The following RBM19 variants were observed in gnomAD, a reference collection of about 807,000 sequenced individuals.
The protein encoded by RBM19 is RNA binding motif protein 19.
RBM19 carries 94 observed loss-of-function variants against 116.8 expected under a neutral mutation model. The observed-to-expected ratio is 0.80, with a 90% CI of 0.68 to 0.95. The LOEUF (loss-of-function observed/expected upper bound fraction) is 0.95. RBM19 is among the 40% of genes least tolerant of loss of function. The pLI is 0.00. For missense variants in RBM19, 1,161 were observed against 1,220.7 expected, an observed-to-expected ratio of 0.95 and a Z score of 0.73; for synonymous variants, 475 against 494.1, an observed-to-expected ratio of 0.96 and a Z score of 0.51.
intron 21 of RBM19, among the ~76,000 whole-genome samples, chr12:113,914,747 G>C (rs1470949229): frequency 6.6e-6 from 1 of 152,268 alleles, no homozygotes; most frequent in Admixed American, 6.5e-5. Flanking sequence ...GCCTCGGAGA[G>C]GGGGAAGCCT....
At position 113,931,365 on chromosome 12, in the gene RBM19, A is replaced by G. The variant is rs1281824472; in HGVS notation, c.2069-4136T>C. ...CCTGGAGGGCCCAGCAGCCCTCAGC[A>G]TGGCCTCCCAGGTCCATGAGCTGTG... is the stretch of plus-strand genomic sequence containing the variant. On this transcript the variant is annotated intron_variant, in intron 16 of 23. Coordinates refer to ENST00000261741, the MANE Select transcript of RBM19 (RefSeq NM_016196.4). Among the ~76,000 whole-genome samples the G allele has an allele frequency of 2.0e-5, 3 of 152,156 alleles. No individual in the cohort carries two copies. In the South Asian group the frequency reaches 6.2e-4, roughly 32 times the overall value.
rs142556388 is a variant in RBM19 at position 113,920,648 on chromosome 12, T to G, written c.2348A>C (p.Lys783Thr). ...SMGFGFVEYR[K>T]PEQAQKALKQ... ...GAGAGCTTTCTGGGCTTGCTCCGGC[T>G]TCCTGTATTCCACAAATCCAAACCC... The change falls in exon 19 of 24, where the codon AAG (lysine) becomes ACG (threonine). Residue 783 changes from lysine (K) to threonine (T), a missense_variant. Lys to Thr is a moderately conservative substitution (Grantham distance 78, BLOSUM62 -1). Transcript: ENST00000261741. 46 of 1,614,170 alleles carry G rather than the reference T, an allele frequency of 2.8e-5. No homozygotes were observed. In the African/African-American group the frequency reaches 4.7e-4, roughly 16 times the overall value.
At chr12:113,913,259 G>A (rs1882561781) in intron 21 of RBM19, among the ~76,000 whole-genome samples, 1 of 152,250 alleles carries the variant, frequency 6.6e-6, no homozygotes, top group African/African-American at 2.4e-5. Flanking sequence ...CAGTTCTTAA[G>A]TTGGACTCCT....
Position 113,825,137 on chromosome 12 carries a change from T to C in RBM19, c.2786-1816A>G, listed in dbSNP as rs113056606. Among the ~76,000 whole-genome samples, 1,236 of 152,320 alleles carry C rather than the reference T, an allele frequency of 8.1e-3. 22 individuals are homozygous for C. The highest frequency in any genetic ancestry group is 0.027 in the African/African-American group (1,136 of 41,574). ...TCCCTGGCCTTAGCACACTGCCTGG[T>C]GCCTAGCAAGTGCTTGTGAAATATC... On this transcript the variant is annotated intron_variant, in intron 23 of 23. Transcript: ENST00000261741. This position sits in a 1 kb window ranked among gnomAD's most constrained non-coding sequence, Gnocchi z 5.7.
chr12:113,818,560 G>A (rs1333578968), downstream of RBM19, among the ~76,000 whole-genome samples: 1 of 150,122 alleles, frequency 6.7e-6, no homozygotes, highest in Non-Finnish European at 1.5e-5. Context: ...TTGAAGTTAT[G>A]TTCACAATAA....
chr12:113,909,064 TG>T, intron 21 of RBM19, among the ~76,000 whole-genome samples: 1 of 152,318 alleles, frequency 6.6e-6, no homozygotes, highest in Non-Finnish European at 1.5e-5. Flanking sequence ...TGAGCTACCC[TG>T]GACAGGGGTC....
chr12:113,884,113 A>C (rs1880346477), intron 21 of RBM19, among the ~76,000 whole-genome samples: 2 of 116,452 alleles, frequency 1.7e-5, no homozygotes, highest in African/African-American at 3.1e-5. Flanking sequence ...CATCTCTACC[A>C]AAAAAAAAAA....
intron 4 of RBM19, 107 bp from the exon 5 acceptor site, chr12:113,959,511 A>T (rs1872298203): frequency 1.2e-5 from 15 of 1,250,124 alleles, no homozygotes; most frequent in Non-Finnish European, 1.7e-5. Context: ...GAGGGTGAGA[A>T]GATCCCTCAA....
At chr12:113,881,138 C>G (rs746466536) in intron 21 of RBM19, among the ~76,000 whole-genome samples, 1 of 152,142 alleles carries the variant, frequency 6.6e-6, no homozygotes, top group African/African-American at 2.4e-5. Context: ...TTCTGGAACA[C>G]GCACTGTCTT....
intron 13 of RBM19, among the ~76,000 whole-genome samples, chr12:113,944,260 G>A (rs538792362): frequency 3.3e-5 from 5 of 151,706 alleles, no homozygotes; most frequent in South Asian, 2.1e-4. Context: ...ACCACACAAG[G>A]CTAATTTTTG....
chr12:113,925,726 G>A (rs922032), intron 17 of RBM19, among the ~76,000 whole-genome samples: 77,438 of 151,964 alleles, frequency 0.51, 20,157 homozygotes, highest in East Asian at 0.81. Flanking sequence ...GAACTAGGTC[G>A]TCTTGGCTAT....
At chr12:113,914,409 C>A (rs1882642270) in intron 21 of RBM19, among the ~76,000 whole-genome samples, 1 of 152,226 alleles carries the variant, frequency 6.6e-6, no homozygotes, top group Non-Finnish European at 1.5e-5. Flanking sequence ...TCCATAGAGT[C>A]ATTTAGGCCA....
chr12:113,876,848 A>C (rs146168602), intron 21 of RBM19, among the ~76,000 whole-genome samples: 18 of 152,222 alleles, frequency 1.2e-4, no homozygotes, highest in African/African-American at 4.3e-4. Context: ...AAATGGACAA[A>C]TTAAATGAGT....
rs139661395 is a variant in RBM19 at position 113,948,889 on chromosome 12, C to T, written c.1220G>A (p.Arg407Gln). 2.5e-6 allele frequency: 4 copies of T among 1,614,194 alleles called. No individual in the cohort carries two copies. Among genetic ancestry groups the T allele is most frequent in the Non-Finnish European group, 2.5e-6 (3 of 1,180,024 alleles). The change falls in exon 10 of 24, where the codon CGG becomes CAG. Residue 407 changes from arginine (R) to glutamine (Q), a missense_variant. Physicochemically the swap from Arg to Gln is conservative, Grantham distance 43. Coordinates refer to ENST00000261741, the MANE Select transcript of RBM19 (RefSeq NM_016196.4). ...CTCGGTGCTGGTGTAGGGCAGGTTC[C>T]GTACAAAGAGCCTTCCGGATTCGGC... is the stretch of plus-strand genomic sequence containing the variant. ...DLAESGRLFV[R>Q]NLPYTSTEED...
At chr12:113,927,463 A>G in intron 16 of RBM19, 1 of 507,776 alleles carries the variant, frequency 2.0e-6, no homozygotes, top group South Asian at 3.5e-5. Context: ...AAGGAATACA[A>G]AACACAGCCC....
chr12:113,884,338 C>A (rs1880384481), intron 21 of RBM19, among the ~76,000 whole-genome samples: 1 of 149,064 alleles, frequency 6.7e-6, no homozygotes, highest in Non-Finnish European at 1.5e-5. Flanking sequence ...CACACACGTA[C>A]TTTTTGCTAA....
Position 113,959,337 on chromosome 12 carries a change from CA to C in RBM19, c.445del (p.Trp149GlyfsTer22), listed in dbSNP as rs752334574. ...VHQRRAQAAT[W>X]ANDGLDAEPS... ...CTCAGCATCCAGGCCATCATTCGCC[CA>C]AGTGGCTGCCTGCGCCCGCCTCTGA... On this transcript the variant is annotated frameshift_variant, in exon 5 of 24. Coordinates refer to ENST00000261741, the MANE Select transcript of RBM19 (RefSeq NM_016196.4). LOFTEE classifies it high-confidence loss of function. 6.2e-7 allele frequency: 1 copy of C among 1,613,658 alleles called. No homozygotes were observed. The highest frequency in any genetic ancestry group is 1.7e-5 in the Admixed American group (1 of 60,020).
chr12:113,961,768 A>T (rs755214162), intron 2 of RBM19, among the ~76,000 whole-genome samples: 9 of 152,190 alleles, frequency 5.9e-5, no homozygotes, highest in Non-Finnish European at 8.8e-5. Flanking sequence ...CATAGCACTG[A>T]TGTCACTGAG....
intron 22 of RBM19, among the ~76,000 whole-genome samples, chr12:113,847,730 T>C (rs1009613445): frequency 6.6e-6 from 1 of 152,210 alleles, no homozygotes; most frequent in Non-Finnish European, 1.5e-5. Flanking sequence ...AACCCCAGCC[T>C]CTCTGTTTCC....
Sources: gnomAD v4.1 joint callset for allele counts (sites outside exome capture counted in the v4.1 genomes callset) on GRCh38, gnomAD v4.1.1 for gene constraint, Gnocchi (gnomAD v3.1) non-coding constraint, MANE v1.5 for transcripts, NCBI Gene and HGNC (gene_info 2026-07-23, HGNC 2026-07-21) for gene names.